The following MARCHF3 variants were observed in gnomAD, a reference collection of about 807,000 sequenced individuals.
MARCHF3 encodes the protein membrane associated ring-CH-type finger 3, also known as E3 ubiquitin-protein ligase MARCHF3.
MARCHF3 carries 13 observed loss-of-function variants against 24.2 expected under a neutral mutation model. That is an observed-to-expected ratio of 0.54 (90% CI 0.35 to 0.85). MARCHF3 has a LOEUF of 0.85. Ranked by LOEUF, MARCHF3 falls within the 40% of genes least tolerant of loss-of-function variation. MARCHF3 has a pLI of 0.01. For synonymous variants in MARCHF3, 144 were observed against 137.3 expected (o/e 1.05, Z -0.34); for missense variants, 276 against 325.0 (o/e 0.85, Z 1.16).
At chr5:126,989,523 T>C (rs1751680112) in intron 1 of MARCHF3, among the ~76,000 whole-genome samples, 1 of 152,104 alleles carries the variant, frequency 6.6e-6, no homozygotes, top group Non-Finnish European at 1.5e-5. Context: ...GCCATGAATC[T>C]TGTTCGTGTC....
chr5:126,945,501 A>G lies in MARCHF3; in HGVS notation c.-56-27274T>C, dbSNP rs117355754. On this transcript the variant is annotated intron_variant, in intron 1 of 4. Transcript: ENST00000308660. ...GCCAGCCAGGCAAATGGGAGAGAGA[A>G]GAGAGTTCCAAGTAGAGGGAAAAAC... Among the ~76,000 whole-genome samples, 3 of 152,356 alleles carry G rather than the reference A, an allele frequency of 2.0e-5. No homozygotes were observed. The East Asian group carries it at 5.8e-4, about 29-fold the overall frequency.
chr5:126,953,562 A>C (rs2126817256), intron 1 of MARCHF3, among the ~76,000 whole-genome samples: 1 of 152,364 alleles, frequency 6.6e-6, no homozygotes, highest in Non-Finnish European at 1.5e-5. Flanking sequence ...AATTTCCCTC[A>C]GAAATTTGAA....
Position 126,894,591 on chromosome 5 carries a change from T to G in MARCHF3, c.394-16197A>C, listed in dbSNP as rs563688647. 2.4e-4 allele frequency among the ~76,000 whole-genome samples: 36 copies of G among 152,134 alleles called. No homozygotes were observed. The East Asian group carries it at 6.6e-3, about 28-fold the overall frequency. Reference sequence around the variant, plus strand: ...TGAAATTCTGGGTTGAAAATTCTTTTCTTTAAGAATGTTGAATATTGGCCC... The same window carrying G: ...TGAAATTCTGGGTTGAAAATTCTTTGCTTTAAGAATGTTGAATATTGGCCC... On this transcript the variant is annotated intron_variant, in intron 3 of 4. Coordinates refer to ENST00000308660, the MANE Select transcript of MARCHF3 (RefSeq NM_178450.5).
At chr5:126,882,246 GTTTT>G (rs1263247056) in intron 3 of MARCHF3, among the ~76,000 whole-genome samples, 5 of 152,280 alleles carry the variant, frequency 3.3e-5, no homozygotes, top group African/African-American at 1.2e-4. Flanking sequence ...CGTGTGCAAG[GTTTT>G]TTAACTTTTC....
intron 3 of MARCHF3, among the ~76,000 whole-genome samples, chr5:126,891,304 T>G (rs1005966932): frequency 3.3e-4 from 49 of 146,916 alleles, no homozygotes; most frequent in Middle Eastern, 3.5e-3. Context: ...TAGATCCCAT[T>G]TGTCAATTTT....
intron 3 of MARCHF3, among the ~76,000 whole-genome samples, chr5:126,909,108 G>T (rs1418393762): frequency 6.6e-6 from 1 of 152,210 alleles, no homozygotes; most frequent in Non-Finnish European, 1.5e-5. Context: ...CCCCTGCTGG[G>T]GGTGCCTCCC....
intron 4 of MARCHF3, among the ~76,000 whole-genome samples, chr5:126,874,518 G>A (rs958412500): frequency 1.4e-4 from 21 of 151,842 alleles, no homozygotes; most frequent in South Asian, 4.2e-4. Flanking sequence ...CCTGGGAGGC[G>A]GAGGTTGCGG....
rs574357734 is a variant in MARCHF3, at chr5:126,917,620, C to T, written c.188+364G>A. Among the ~76,000 whole-genome samples the T allele has an allele frequency of 8.5e-5, 13 of 152,282 alleles. No individual in the cohort carries two copies. The South Asian group carries it at 1.2e-3, about 15-fold the overall frequency. Reference sequence around the variant, plus strand: ...ACAAATCCAATCACTTTGACTCAGTCGCCTGAAATCAGATACCTTCTTAAT... The same window carrying T: ...ACAAATCCAATCACTTTGACTCAGTTGCCTGAAATCAGATACCTTCTTAAT... On this transcript the variant is annotated intron_variant, in intron 2 of 4. Coordinates refer to ENST00000308660, the MANE Select transcript of MARCHF3 (RefSeq NM_178450.5).
intron 3 of MARCHF3, among the ~76,000 whole-genome samples, chr5:126,897,430 A>T (rs1489687552): frequency 6.6e-6 from 1 of 152,046 alleles, no homozygotes; most frequent in Non-Finnish European, 1.5e-5. Flanking sequence ...AATAAAAATT[A>T]AAAAATCAAC....
chr5:127,020,589 G>A (rs1010242461), intron 1 of MARCHF3, among the ~76,000 whole-genome samples: 1 of 152,160 alleles, frequency 6.6e-6, no homozygotes, highest in East Asian at 1.9e-4. Flanking sequence ...GGTGGCTCAT[G>A]CCTGTAATCC....
chr5:126,923,881 CAG>C (rs1239178309), intron 1 of MARCHF3, among the ~76,000 whole-genome samples: 1 of 152,120 alleles, frequency 6.6e-6, no homozygotes, highest in African/African-American at 2.4e-5. Context: ...CCTCTACAAC[CAG>C]AGTTGGTTGA....
rs76438732 is a variant in MARCHF3, at chr5:126,900,039, A to T, written c.393+14891T>A. 6.9e-3 allele frequency among the ~76,000 whole-genome samples: 1,051 copies of T among 152,172 alleles called. 24 individuals are homozygous for T. Among genetic ancestry groups the T allele is most frequent in the African/African-American group, 0.025 (1,022 of 41,500 alleles). ...GCAGACTAGTTTCACTGCCCTAAAA[A>T]TCCTCTGTGCTCCACCTTTTCATCC... On this transcript the variant is annotated intron_variant, in intron 3 of 4. Transcript: ENST00000308660.
chr5:126,901,883 C>T lies in MARCHF3; in HGVS notation c.393+13047G>A, dbSNP rs183495530. Among the ~76,000 whole-genome samples, 74 of 152,186 alleles carry T rather than the reference C, an allele frequency of 4.9e-4. 1 individual carries two copies. Among genetic ancestry groups the T allele is most frequent in the Admixed American group, 4.1e-3 (62 of 15,238 alleles). On this transcript the variant is annotated intron_variant, in intron 3 of 4. Transcript: ENST00000308660. ...CAGCTGTAGTTATTCAGTGACATTT[C>T]AATTCTCCTCTCTCAGACTCCCCCT...
intron 4 of MARCHF3, among the ~76,000 whole-genome samples, chr5:126,875,060 C>T (rs1417028627): frequency 6.6e-6 from 1 of 152,188 alleles, no homozygotes; most frequent in Non-Finnish European, 1.5e-5. Flanking sequence ...CTCCTCCAAA[C>T]TCCAAACTGG....
chr5:126,868,766 A>G lies in MARCHF3; in HGVS notation c.*1867T>C, dbSNP rs1752851449. The G allele has an allele frequency of 6.6e-6, 1 of 152,196 alleles. No individual in the cohort carries two copies. Among genetic ancestry groups the G allele is most frequent in the Non-Finnish European group, 1.5e-5 (1 of 68,070 alleles). The allele number at this position is 152,196 out of a possible 1,614,324, so 9.4% of individuals were successfully genotyped here. A position where few individuals can be genotyped will look rare whatever the true frequency, so the allele number is the denominator to read the frequency against. ...GTGGACGTCATTTATTAAGTATATT[A>G]CAGGGCTGCAATTCACCAGCTACCA... On this transcript the variant is annotated 3_prime_UTR_variant, in exon 5 of 5. Transcript: ENST00000308660.
chr5:126,895,973 G>A (rs1384517346), intron 3 of MARCHF3, among the ~76,000 whole-genome samples: 1 of 152,142 alleles, frequency 6.6e-6, no homozygotes, highest in African/African-American at 2.4e-5. Flanking sequence ...GAATCCGTGG[G>A]TGTAGGACCC....
intron 1 of MARCHF3, among the ~76,000 whole-genome samples, chr5:126,920,959 G>A (rs1370946574): frequency 6.6e-6 from 1 of 151,776 alleles, no homozygotes; most frequent in East Asian, 1.9e-4. Flanking sequence ...ACTGAGTTTA[G>A]CATAAAAGAA....
intron 1 of MARCHF3, among the ~76,000 whole-genome samples, chr5:126,989,330 ACT>A (rs1491219767): frequency 2.7e-3 from 386 of 142,868 alleles, no homozygotes; most frequent in African/African-American, 8.2e-3. Flanking sequence ...TACTACTACT[ACT>A]ACTACTAATA....
intron 3 of MARCHF3, among the ~76,000 whole-genome samples, chr5:126,889,334 A>G (rs1349406867): frequency 6.6e-6 from 1 of 152,156 alleles, no homozygotes; most frequent in East Asian, 1.9e-4. Flanking sequence ...TAACATGAAT[A>G]TGAACAATAA....
Sources: allele counts gnomAD v4.1 joint callset (sites outside exome capture counted in the v4.1 genomes callset), GRCh38; gene constraint gnomAD v4.1.1; transcripts MANE v1.5; gene names NCBI Gene and HGNC (gene_info 2026-07-23, HGNC 2026-07-21).